Variants in BUB1B observed in about 807,000 individuals in gnomAD.
BUB1B encodes BUB1 mitotic checkpoint serine/threonine kinase B.
Under a neutral mutation model 137.7 loss-of-function variants are expected in BUB1B, and 86 were observed. The ratio of observed to expected loss-of-function variants is 0.62; its 90% confidence interval spans 0.52 to 0.75. The LOEUF is 0.75. BUB1B is among the 30% of genes least tolerant of loss of function. BUB1B has a pLI of 0.00. For synonymous variants in BUB1B, 420 were observed against 417.9 expected (o/e 1.00, Z -0.06); for missense variants, 1,130 against 1,236.9 (o/e 0.91, Z 1.30).
intron 14 of BUB1B, among the ~76,000 whole-genome samples, chr15:40,204,443 T>A (rs936558534): frequency 6.6e-6 from 1 of 150,408 alleles, no homozygotes; most frequent in Non-Finnish European, 1.5e-5. Context: ...CATTTACCTT[T>A]TTTTTTTTTT....
chr15:40,206,956 C>T (rs113280914), intron 15 of BUB1B, among the ~76,000 whole-genome samples: 8,388 of 152,116 alleles, frequency 0.055, 759 homozygotes, highest in African/African-American at 0.19. Context: ...ACTACAGGTG[C>T]GCACCATCAT....
Position 40,202,407 on chromosome 15 carries a change from C to T in BUB1B, c.1570C>T (p.Pro524Ser). 1 of 1,608,684 alleles carries T rather than the reference C, an allele frequency of 6.2e-7. No individual in the cohort carries two copies. The change falls in exon 13 of 23, where the codon CCC becomes TCC. Residue 524 changes from proline (P) to serine (S), a missense_variant and splice_region_variant. Coordinates refer to ENST00000287598, the MANE Select transcript of BUB1B (RefSeq NM_001211.6). ...GTATCTAGTCTCTCTTTCTCTAGGTCCCAGTGTACCTTTCTCCATTTTTGA... is the reference window on the plus strand; with the variant it reads ...GTATCTAGTCTCTCTTTCTCTAGGTTCCAGTGTACCTTTCTCCATTTTTGA... Reference protein sequence around the residue: ...IWQEQPHSKGPSVPFSIFDEF... With the variant: ...IWQEQPHSKGSSVPFSIFDEF...
intron 18 of BUB1B, among the ~76,000 whole-genome samples, chr15:40,211,126 A>G (rs951590168): frequency 4.0e-5 from 6 of 151,688 alleles, no homozygotes; most frequent in South Asian, 2.1e-4. Context: ...TTTCTCCTAT[A>G]TTCTCTCTTT....
intron 9 of BUB1B, 42 bp downstream of exon 9, chr15:40,196,816 G>A (rs1332221367): frequency 1.3e-6 from 2 of 1,575,776 alleles, no homozygotes; most frequent in South Asian, 2.2e-5. Flanking sequence ...TAACTTAGTT[G>A]TGTGAAGGTT....
At chr15:40,208,501 G>T (rs958423041) in intron 15 of BUB1B, 136 bp from the exon 16 acceptor site, 2 of 819,882 alleles carry the variant, frequency 2.4e-6, no homozygotes, top group Non-Finnish European at 3.8e-6. Context: ...TCATGCAGTT[G>T]TGCTCCAGCC....
chr15:40,191,380 T>C (rs1373671829), intron 8 of BUB1B, among the ~76,000 whole-genome samples: 2 of 152,268 alleles, frequency 1.3e-5, no homozygotes, highest in Admixed American at 6.5e-5. Flanking sequence ...TCTTTTCGGA[T>C]ACATGATTTG....
intron 2 of BUB1B, among the ~76,000 whole-genome samples, chr15:40,165,420 G>A (rs1047863668): frequency 2.6e-5 from 4 of 152,148 alleles, no homozygotes; most frequent in Non-Finnish European, 5.9e-5. Context: ...GTGGTGCAGC[G>A]AAACTCTTTT....
intron 4 of BUB1B, among the ~76,000 whole-genome samples, chr15:40,175,038 G>A (rs575669663): frequency 6.6e-6 from 1 of 152,308 alleles, no homozygotes; most frequent in Admixed American, 6.5e-5. Flanking sequence ...GCTGATTAGA[G>A]TCTGGTGGAA....
intron 8 of BUB1B, among the ~76,000 whole-genome samples, chr15:40,188,922 A>C (rs2037403568): frequency 6.6e-6 from 1 of 151,910 alleles, no homozygotes; most frequent in Non-Finnish European, 1.5e-5. Context: ...ACTTCATCGA[A>C]ATATAATTCC....
chr15:40,200,136 C>T (rs2140900520), intron 10 of BUB1B, 108 bp from the exon 11 acceptor site: 7 of 779,864 alleles, frequency 9.0e-6, no homozygotes, highest in South Asian at 2.9e-5. Flanking sequence ...TCATTTTGTA[C>T]TGTTAGTGGA....
At chr15:40,169,609 CTTTTTTT>C (rs893767898) in intron 2 of BUB1B, among the ~76,000 whole-genome samples, 1 of 96,950 alleles carries the variant, frequency 1.0e-5, no homozygotes, top group Non-Finnish European at 2.1e-5. Context: ...TATTTCTATT[CTTTTTTT>C]TTTTTTTTTT....
chr15:40,212,389 AT>A (rs1379432231), intron 18 of BUB1B, 109 bp from the exon 19 acceptor site: 4 of 842,882 alleles, frequency 4.7e-6, no homozygotes, highest in South Asian at 1.5e-5. Flanking sequence ...GCCTTTAAAA[AT>A]ATCTCTTTAT....
intron 4 of BUB1B, among the ~76,000 whole-genome samples, chr15:40,173,752 C>A (rs2037192625): frequency 6.6e-6 from 1 of 152,336 alleles, no homozygotes; most frequent in Admixed American, 6.5e-5. Context: ...ATGATCAGCA[C>A]TAGAATGATC....
At chr15:40,189,160 T>A (rs73390146) in intron 8 of BUB1B, among the ~76,000 whole-genome samples, 8,381 of 152,082 alleles carry the variant, frequency 0.055, 756 homozygotes, top group African/African-American at 0.19. Flanking sequence ...TTTTTTTGTT[T>A]GTTTGTTTTT....
At chr15:40,201,325 TTTC>T (rs2140901235) in intron 12 of BUB1B, among the ~76,000 whole-genome samples, 1 of 152,344 alleles carries the variant, frequency 6.6e-6, no homozygotes, top group East Asian at 1.9e-4. Context: ...TCAAATTGGT[TTTC>T]TTTTCTTCAA....
In BUB1B at chr15:40,220,575, G is replaced by A. The variant is rs1595542473; in HGVS notation, c.2969G>A (p.Gly990Asp). 4 of 1,614,126 alleles carry A rather than the reference G, an allele frequency of 2.5e-6. No homozygotes were observed. In the East Asian group the frequency reaches 8.9e-5, roughly 36 times the overall value. The change falls in exon 23 of 23, where the codon GGT becomes GAT. Residue 990 changes from glycine (G) to aspartate (D), a missense_variant. Gly to Asp is a moderately conservative substitution (Grantham distance 94, BLOSUM62 -1). Transcript: ENST00000287598. ...LSQNISELKDGELWNKFFVRI... is the reference protein window; with the variant it reads ...LSQNISELKDDELWNKFFVRI... ...TTATATATTTTTAGGCTAAAAGATG[G>A]TGAATTGTGGAATAAATTCTTTGTG...
intron 16 of BUB1B, 111 bp from the exon 17 acceptor site, chr15:40,209,524 G>A: frequency 7.8e-7 from 1 of 1,279,038 alleles, no homozygotes; most frequent in Non-Finnish European, 1.1e-6. Context: ...TAAATTAACA[G>A]TGCTGACTGT....
At chr15:40,212,136 AC>A (rs2037721566) in intron 18 of BUB1B, among the ~76,000 whole-genome samples, 1 of 152,188 alleles carries the variant, frequency 6.6e-6, no homozygotes, top group Non-Finnish European at 1.5e-5. Context: ...CACTAGGCCT[AC>A]CTTCCTCTTA....
chr15:40,176,409 T>G, intron 4 of BUB1B, 68 bp from the exon 5 acceptor site: 2 of 1,361,154 alleles, frequency 1.5e-6, no homozygotes, highest in South Asian at 1.2e-5. Context: ...CTCCAGTGAT[T>G]GTTTGGCAAC....
Sources: gnomAD v4.1 joint callset for allele counts (sites outside exome capture counted in the v4.1 genomes callset) on GRCh38, gnomAD v4.1.1 for gene constraint, MANE v1.5 for transcripts, NCBI Gene and HGNC (gene_info 2026-07-23, HGNC 2026-07-21) for gene names.